TRAPPC10: variants seen among roughly 807,000 people sequenced by gnomAD.
The protein encoded by TRAPPC10 is trafficking protein particle complex subunit 10.
In TRAPPC10, 23 loss-of-function variants were observed where a neutral mutation model predicts 125.5. The ratio of observed to expected loss-of-function variants is 0.18; its 90% CI spans 0.13 to 0.26. The LOEUF (loss-of-function observed/expected upper bound fraction) is 0.26, where lower values mean the gene tolerates loss of function less well. TRAPPC10 is among the 10% of genes least tolerant of loss of function. The pLI is 1.00. For missense variants in TRAPPC10, 1,123 were observed against 1,308.4 expected (o/e 0.86, Z 2.19); for synonymous variants, 509 against 518.0 (o/e 0.98, Z 0.24).
In TRAPPC10 at chr21:44,012,621, A is replaced by T. The variant is rs536896297; in HGVS notation, c.67+61A>T. 24 of 1,433,222 alleles carry T rather than the reference A, an allele frequency of 1.7e-5. No individual in the cohort carries two copies. In the South Asian group the frequency reaches 3.0e-4, roughly 18 times the overall value. The allele number at this position is 1,433,222 out of a possible 1,614,324, so 88.8% of individuals were successfully genotyped here. A position where few individuals can be genotyped will look rare whatever the true frequency, so the allele number is the denominator to read the frequency against. Reference sequence around the variant, plus strand: ...TTGGGCGGGCCCGGGCCCTGGCGTTATGCACCCGGCGCCCCCAGACCTTCA... The same window carrying T: ...TTGGGCGGGCCCGGGCCCTGGCGTTTTGCACCCGGCGCCCCCAGACCTTCA... On this transcript the variant is annotated intron_variant, in intron 1 of 22. Coordinates refer to ENST00000291574, the MANE Select transcript of TRAPPC10 (RefSeq NM_003274.5).
chr21:44,084,260 G>A lies in TRAPPC10; in HGVS notation c.2377G>A (p.Ala793Thr). ...GCCCCAGCTGCACGTGGAGCCGCTG[G>A]CTGGTGAGTGGGGTCCCCAGCCTTT... ...QEPQLHVEPL[A>T]DSLLAGIPQR... The change falls in exon 15 of 23, where the codon GCT becomes ACT. Residue 793 changes from alanine to threonine, a missense_variant. Coordinates refer to ENST00000291574, the MANE Select transcript of TRAPPC10 (RefSeq NM_003274.5). 1.9e-6 allele frequency: 3 copies of A among 1,613,368 alleles called. No individual in the cohort carries two copies. Among genetic ancestry groups the A allele is most frequent in the Non-Finnish European group, 1.7e-6 (2 of 1,179,786 alleles).
intron 4 of TRAPPC10, 105 bp from the exon 5 acceptor site, chr21:44,055,593 A>T: frequency 7.2e-5 from 58 of 802,636 alleles, no homozygotes; most frequent in Non-Finnish European, 9.8e-5. Context: ...AAAAAAAAAA[A>T]GGAGGAGGAA....
At position 44,064,303 on chromosome 21, in the gene TRAPPC10, A is replaced by ATGTGTG. The variant is rs10526131; in HGVS notation, c.1038+549_1038+554dup. ...GCTTCATGGAAGATATGTCATAAATATGTGTGTGTGTGTGTGTGTGTGTGT... is the reference window on the plus strand; with the variant it reads ...GCTTCATGGAAGATATGTCATAAATATGTGTGTGTGTGTGTGTGTGTGTGTGTGTGT... On this transcript the variant is annotated intron_variant, in intron 7 of 22. Transcript: ENST00000291574. 3.7e-3 allele frequency among the ~76,000 whole-genome samples: 555 copies of ATGTGTG among 148,310 alleles called. 2 individuals carry two copies. The highest frequency in any genetic ancestry group is 0.02 in the East Asian group (102 of 5,026).
intron 1 of TRAPPC10, among the ~76,000 whole-genome samples, chr21:44,020,948 G>C (rs1569139031): frequency 6.6e-6 from 1 of 152,176 alleles, no homozygotes; most frequent in African/African-American, 2.4e-5. Context: ...CAAGTACTTA[G>C]GGAAGGCAGA....
intron 3 of TRAPPC10, among the ~76,000 whole-genome samples, chr21:44,047,682 G>T (rs1371224751): frequency 6.6e-6 from 1 of 151,968 alleles, no homozygotes; most frequent in Non-Finnish European, 1.5e-5. Context: ...CTCTGTCTTC[G>T]TGTTAACCTT....
At chr21:44,069,122 T>G (rs1370319030) in intron 7 of TRAPPC10, among the ~76,000 whole-genome samples, 1 of 152,158 alleles carries the variant, frequency 6.6e-6, no homozygotes, top group South Asian at 2.1e-4. Flanking sequence ...ATTCCTTAAA[T>G]AGGACATGAA....
chr21:44,018,500 A>G (rs901303007), intron 1 of TRAPPC10, among the ~76,000 whole-genome samples: 1 of 152,094 alleles, frequency 6.6e-6, no homozygotes, highest in Non-Finnish European at 1.5e-5. Context: ...AGAGATTGAG[A>G]CCACCCTGGC....
chr21:44,054,147 T>G (rs1207111203), intron 4 of TRAPPC10, among the ~76,000 whole-genome samples: 1 of 152,206 alleles, frequency 6.6e-6, no homozygotes, highest in Non-Finnish European at 1.5e-5. Context: ...ACTCATAGGT[T>G]CTAGCAAGCT....
intron 2 of TRAPPC10, among the ~76,000 whole-genome samples, chr21:44,034,555 T>C (rs2033846521): frequency 6.6e-6 from 1 of 151,974 alleles, no homozygotes; most frequent in South Asian, 2.1e-4. Flanking sequence ...CTCAGGAAAA[T>C]TGGATGGCCC....
rs185104909 is a variant in TRAPPC10 at position 44,021,430 on chromosome 21, G to A, written c.67+8870G>A. Among the ~76,000 whole-genome samples the A allele has an allele frequency of 4.7e-4, 72 of 152,272 alleles. 1 individual carries two copies. In the Middle Eastern group the frequency reaches 0.02, roughly 43 times the overall value. On this transcript the variant is annotated intron_variant, in intron 1 of 22. Transcript: ENST00000291574. ...AAAGAGAAGGATAAGGGAAATGGAA[G>A]AACTGTAACATTTCACATATTTTAT...
At chr21:44,058,681 A>G (rs1569178066) in intron 5 of TRAPPC10, among the ~76,000 whole-genome samples, 1 of 151,154 alleles carries the variant, frequency 6.6e-6, no homozygotes, top group Non-Finnish European at 1.5e-5. Context: ...TCCGTCATGG[A>G]GAGGGAATAG....
In TRAPPC10 at chr21:44,074,389, G is replaced by A. The variant is rs1238816160; in HGVS notation, c.1104G>A (p.Arg368=). The part of the protein sequence containing the change: ...VFLSCLEVLQ[R]IEGCCDRAQI... Reference sequence around the variant, plus strand: ...TGAGCTGTCTGGAGGTGTTGCAGAGGATAGAAGGCTGCTGTGACCGGGCAC... The same window carrying A: ...TGAGCTGTCTGGAGGTGTTGCAGAGAATAGAAGGCTGCTGTGACCGGGCAC... Residue 368 remains arginine (R), a synonymous_variant, in exon 8 of 23, where the codon AGG becomes AGA. Coordinates refer to ENST00000291574, the MANE Select transcript of TRAPPC10 (RefSeq NM_003274.5). 5 of 1,614,092 alleles carry A rather than the reference G, an allele frequency of 3.1e-6. No homozygotes were observed. The highest frequency in any genetic ancestry group is 4.2e-6 in the Non-Finnish European group (5 of 1,180,046).
chr21:44,064,242 C>T (rs528046479), intron 7 of TRAPPC10, among the ~76,000 whole-genome samples: 1 of 152,184 alleles, frequency 6.6e-6, no homozygotes, highest in Non-Finnish European at 1.5e-5. Context: ...GTGAGTGACA[C>T]ACAGCAGGCT....
At position 44,055,759 on chromosome 21, in the gene TRAPPC10, T is replaced by C. The variant is rs531477340; in HGVS notation, c.544T>C (p.Phe182Leu). 1 of 1,613,726 alleles carries C rather than the reference T, an allele frequency of 6.2e-7. No individual in the cohort carries two copies. The highest frequency in any genetic ancestry group is 1.3e-5 in the African/African-American group (1 of 74,996). The change falls in exon 5 of 23, where the codon TTC (phenylalanine) becomes CTC (leucine). Residue 182 changes from phenylalanine to leucine, a missense_variant. This residue lies in a region of TRAPPC10 where 177 missense variants were observed against 228.9 expected (regional missense o/e 0.77). Coordinates refer to ENST00000291574, the MANE Select transcript of TRAPPC10 (RefSeq NM_003274.5). Reference sequence around the variant, plus strand: ...TCGAACTCAGGAATCCTGGAATGCCTTCCTGACCAAACTCAGGACATTGCT... The same window carrying C: ...TCGAACTCAGGAATCCTGGAATGCCCTCCTGACCAAACTCAGGACATTGCT... ...SSRTQESWNA[F>L]LTKLRTLLLM...
chr21:44,068,761 C>T (rs1379324474), intron 7 of TRAPPC10, among the ~76,000 whole-genome samples: 2 of 151,862 alleles, frequency 1.3e-5, no homozygotes, highest in Non-Finnish European at 2.9e-5. Flanking sequence ...CCACCATGCC[C>T]GGCTAATTTT....
At chr21:44,069,817 T>C (rs2036726320) in intron 7 of TRAPPC10, among the ~76,000 whole-genome samples, 1 of 152,072 alleles carries the variant, frequency 6.6e-6, no homozygotes, top group Non-Finnish European at 1.5e-5. Context: ...GGTACAGTGA[T>C]GAACGTGAAT....
In TRAPPC10 at chr21:44,089,875, G is replaced by A. The variant is rs564284796; in HGVS notation, c.2812G>A (p.Ala938Thr). The A allele has an allele frequency of 2.4e-5, 39 of 1,613,826 alleles. No homozygotes were observed. The highest frequency in any genetic ancestry group is 2.0e-5 in the Non-Finnish European group (24 of 1,179,812). The change falls in exon 18 of 23, where the codon GCA (alanine) becomes ACA (threonine). Residue 938 changes from alanine to threonine, a missense_variant. Physicochemically the swap from Ala to Thr is moderately conservative, Grantham distance 58. This residue lies in a region of TRAPPC10 where 840 missense variants were observed against 902.0 expected (regional missense o/e 0.93). Coordinates refer to ENST00000291574, the MANE Select transcript of TRAPPC10 (RefSeq NM_003274.5). The stretch of plus-strand genomic sequence containing the variant: ...GTGGTCCATCTACTCCACAGTCATC[G>A]CACTGACCTTCAGCGTACCCTTCAG... ...CPWSIYSTVI[A>T]LTFSVPFRTT... is the part of the protein sequence containing the mutation.
chr21:44,044,880 A>C (rs1321317262), intron 3 of TRAPPC10, among the ~76,000 whole-genome samples: 1 of 151,918 alleles, frequency 6.6e-6, no homozygotes, highest in Admixed American at 6.6e-5. Context: ...TGGCCAGGCC[A>C]TTCTTGAACT....
At chr21:44,031,799 TA>T (rs2033602962) in intron 1 of TRAPPC10, among the ~76,000 whole-genome samples, 1 of 152,194 alleles carries the variant, frequency 6.6e-6, no homozygotes, top group South Asian at 2.1e-4. Context: ...CTCCCTCTCC[TA>T]AGCTTTGTGT....
Sources: gnomAD v4.1 joint callset for allele counts (sites outside exome capture counted in the v4.1 genomes callset) on GRCh38, gnomAD v4.1.1 for gene constraint, gnomAD v4.1.1 regional missense constraint, MANE v1.5 for transcripts, NCBI Gene and HGNC (gene_info 2026-07-23, HGNC 2026-07-21) for gene names.